Variants in DLC1 observed in about 807,000 individuals in gnomAD.
The protein encoded by DLC1 is rho GTPase-activating protein 7.
A neutral mutation model predicts 140.3 loss-of-function variants in DLC1; 54 were observed. That is an observed-to-expected ratio of 0.38 (90% CI 0.31 to 0.48). The LOEUF (loss-of-function observed/expected upper bound fraction) is 0.48, where lower values mean the gene tolerates loss of function less well. Among genes scored for constraint, DLC1 ranks in the 20% least tolerant of loss-of-function variants. The pLI, the probability that DLC1 is intolerant of heterozygous loss-of-function variation, is 0.96. For missense variants in DLC1, 2,536 were observed against 1,907.0 expected, an observed-to-expected ratio of 1.33 and a Z score of -6.14; for synonymous variants, 986 against 728.1, an observed-to-expected ratio of 1.35 and a Z score of -5.70.
At position 13,095,164 on chromosome 8, in the gene DLC1, G is replaced by A. The variant is rs760018194; in HGVS notation, c.3249C>T (p.Asn1083=). Residue 1083 remains asparagine (N), a synonymous_variant, in exon 11 of 18, where the codon AAC becomes AAT. Coordinates refer to ENST00000276297, the MANE Select transcript of DLC1 (RefSeq NM_182643.3). ...RSVFGVPLTV[N]VQRTGQPLPQ... The stretch of plus-strand genomic sequence containing the variant: ...GCAACGGTTGTCCTGTGCGCTGCAC[G>A]TTGACCGTCAGTGGGACCCCAAACA... The A allele has an allele frequency of 6.2e-6, 10 of 1,614,122 alleles. No homozygotes were observed. Among genetic ancestry groups the A allele is most frequent in the South Asian group, 2.2e-5 (2 of 91,090 alleles).
chr8:13,265,003 A>C (rs1011413813), intron 5 of DLC1, among the ~76,000 whole-genome samples: 1 of 152,228 alleles, frequency 6.6e-6, no homozygotes, highest in African/African-American at 2.4e-5. Context: ...CCTACTCTTC[A>C]AAAGTTATTA....
chr8:13,382,525 A>ATG (rs1563300990), intron 4 of DLC1, among the ~76,000 whole-genome samples: 1 of 45,948 alleles, frequency 2.2e-5, no homozygotes, highest in Non-Finnish European at 4.1e-5. Context: ...AAAAAAAAAA[A>ATG]AAAAAAAGAA....
At chr8:13,193,292 A>T (rs745441790) in intron 5 of DLC1, among the ~76,000 whole-genome samples, 1 of 152,198 alleles carries the variant, frequency 6.6e-6, no homozygotes, top group Non-Finnish European at 1.5e-5. Flanking sequence ...GAAGCCTATC[A>T]GGGACAACAT....
intron 4 of DLC1, among the ~76,000 whole-genome samples, chr8:13,332,667 A>C (rs1315336527): frequency 6.6e-6 from 1 of 152,052 alleles, no homozygotes; most frequent in Non-Finnish European, 1.5e-5. Context: ...TCCTGACCTC[A>C]AGTGAAACGC....
intron 5 of DLC1, among the ~76,000 whole-genome samples, chr8:13,269,806 C>T (rs559309260): frequency 4.6e-5 from 7 of 150,978 alleles, no homozygotes; most frequent in Admixed American, 1.3e-4. Flanking sequence ...GCCTGTAATC[C>T]CAGCATTTTG....
intron 5 of DLC1, among the ~76,000 whole-genome samples, chr8:13,278,562 A>G (rs1488938449): frequency 6.6e-6 from 1 of 152,238 alleles, no homozygotes; most frequent in Admixed American, 6.5e-5. Context: ...GCATGTTCCA[A>G]TGTTACAGGA....
intron 2 of DLC1, among the ~76,000 whole-genome samples, chr8:13,405,915 T>TC (rs1491562947): frequency 3.9e-4 from 43 of 109,198 alleles, no homozygotes; most frequent in African/African-American, 3.9e-4. Context: ...TTCTTTCTTT[T>TC]CTTTTCTTTC....
intron 2 of DLC1, among the ~76,000 whole-genome samples, chr8:13,472,281 G>A (rs766205821): frequency 6.6e-6 from 1 of 152,128 alleles, no homozygotes; most frequent in Non-Finnish European, 1.5e-5. Context: ...AGATTTAAAT[G>A]CGTGTATACA....
chr8:13,417,636 G>C (rs1292745841), intron 2 of DLC1, among the ~76,000 whole-genome samples: 1 of 152,002 alleles, frequency 6.6e-6, no homozygotes, highest in Non-Finnish European at 1.5e-5. Context: ...TTGGTTCCAA[G>C]TCTTTGCTAT....
intron 5 of DLC1, chr8:13,160,387 C>T (rs1288250160): frequency 6.6e-6 from 1 of 152,212 alleles, no homozygotes; most frequent in Non-Finnish European, 1.5e-5. Flanking sequence ...GGACTGAATG[C>T]TGTTTGACTC....
At position 13,114,421 on chromosome 8, in the gene DLC1, A is replaced by T. The variant is rs549141248; in HGVS notation, c.1420+1165T>A. Among the ~76,000 whole-genome samples the T allele has an allele frequency of 1.2e-3, 179 of 152,170 alleles. 3 individuals carry two copies. In the South Asian group the frequency reaches 0.031, roughly 26 times the overall value. ...ATCTTGACATGCAGGGAGCACAAGCACTCCCCAGGGTACGCAGAAGCTGAG... is the reference window on the plus strand; with the variant it reads ...ATCTTGACATGCAGGGAGCACAAGCTCTCCCCAGGGTACGCAGAAGCTGAG... On this transcript the variant is annotated intron_variant, in intron 6 of 17. Coordinates refer to ENST00000276297, the MANE Select transcript of DLC1 (RefSeq NM_182643.3).
intron 2 of DLC1, among the ~76,000 whole-genome samples, chr8:13,435,439 G>A (rs779624899): frequency 6.6e-6 from 1 of 151,978 alleles, no homozygotes. Context: ...TCAGCCTCCC[G>A]AGTAGCTGGG....
intron 1 of DLC1, among the ~76,000 whole-genome samples, chr8:13,570,588 T>A (rs1804618502): frequency 6.7e-6 from 1 of 149,344 alleles, no homozygotes; most frequent in South Asian, 2.2e-4. Context: ...GAATGATGGT[T>A]TCCAATTTCA....
At chr8:13,538,243 G>A (rs1019739913) in intron 1 of DLC1, among the ~76,000 whole-genome samples, 1 of 151,898 alleles carries the variant, frequency 6.6e-6, no homozygotes, top group Non-Finnish European at 1.5e-5. Context: ...GGTGAGCAAG[G>A]GGACCCTCTG....
At chr8:13,436,201 G>C (rs1839116185) in intron 2 of DLC1, among the ~76,000 whole-genome samples, 1 of 152,160 alleles carries the variant, frequency 6.6e-6, no homozygotes, top group South Asian at 2.1e-4. Context: ...TGCAAAACAT[G>C]CCTGCATCTT....
At chr8:13,584,881 C>T (rs779393430) in intron 1 of DLC1, among the ~76,000 whole-genome samples, 1 of 152,152 alleles carries the variant, frequency 6.6e-6, no homozygotes, top group Non-Finnish European at 1.5e-5. Context: ...TAATCTGAAA[C>T]CTTTCCCCAC....
chr8:13,325,585 G>T (rs1319130513), intron 4 of DLC1, among the ~76,000 whole-genome samples: 1 of 152,116 alleles, frequency 6.6e-6, no homozygotes, highest in South Asian at 2.1e-4. Context: ...AACAAAGCAT[G>T]CTGTCCAAGA....
intron 2 of DLC1, among the ~76,000 whole-genome samples, chr8:13,420,661 T>G (rs1020086752): frequency 1.3e-5 from 2 of 152,090 alleles, no homozygotes; most frequent in African/African-American, 4.8e-5. Flanking sequence ...CAGTATTTGG[T>G]TTTCTGTTCC....
chr8:13,296,080 C>T (rs765504997), intron 5 of DLC1, among the ~76,000 whole-genome samples: 94 of 150,980 alleles, frequency 6.2e-4, no homozygotes, highest in African/African-American at 1.1e-3. Flanking sequence ...CTCAGCCTCC[C>T]GAGTAGCTGG....
Sources: gnomAD v4.1 joint callset for allele counts (sites outside exome capture counted in the v4.1 genomes callset) on GRCh38, gnomAD v4.1.1 for gene constraint, MANE v1.5 for transcripts, NCBI Gene and HGNC (gene_info 2026-07-23, HGNC 2026-07-21) for gene names.